The following SLC2A8 variants were observed in gnomAD, a reference collection of about 807,000 sequenced individuals.
The protein encoded by SLC2A8 is solute carrier family 2, facilitated glucose transporter member 8.
A neutral mutation model predicts 49.2 loss-of-function variants in SLC2A8; 53 were observed. That is an observed-to-expected ratio of 1.08 (90% CI 0.86 to 1.35). The LOEUF (loss-of-function observed/expected upper bound fraction) is 1.35. Ranked by LOEUF, SLC2A8 falls within the 40% of genes most tolerant of loss-of-function variation. The pLI is 0.00. For missense variants in SLC2A8, 688 were observed against 671.7 expected (o/e 1.02, Z -0.27); for synonymous variants, 299 against 297.0 (o/e 1.01, Z -0.07).
rs1015119418 is a variant in SLC2A8 at position 127,407,538 on chromosome 9, T to C, written c.*289T>C. On this transcript the variant is annotated 3_prime_UTR_variant, in exon 10 of 10. Coordinates refer to ENST00000373371, the MANE Select transcript of SLC2A8 (RefSeq NM_014580.5). ...AAAGCAGCGGAAGAGGAGGTGGGCC[T>C]CTAGGATCTTTGTCTTCTGGCTGGA... 5 of 518,058 alleles carry C rather than the reference T, an allele frequency of 9.7e-6. No homozygotes were observed. Among genetic ancestry groups the C allele is most frequent in the African/African-American group, 9.6e-5 (5 of 52,104 alleles). 32.1% of individuals were successfully genotyped at this position (518,058 alleles called of 1,614,324 possible).
intron 4 of SLC2A8, among the ~76,000 whole-genome samples, chr9:127,401,579 G>A (rs1239058554): frequency 6.6e-6 from 1 of 152,186 alleles, no homozygotes; most frequent in African/African-American, 2.4e-5. Flanking sequence ...CAGGTACTGG[G>A]TGTCCACCCA....
At position 127,399,865 on chromosome 9, in the gene SLC2A8, G is replaced by A. The variant is rs747195562; in HGVS notation, c.427-42G>A. 3 of 1,562,658 alleles carry A rather than the reference G, an allele frequency of 1.9e-6. No individual in the cohort carries two copies. Among genetic ancestry groups the A allele is most frequent in the Non-Finnish European group, 2.6e-6 (3 of 1,135,428 alleles). On this transcript the variant is annotated intron_variant, in intron 3 of 9. Transcript: ENST00000373371. The surrounding 1 kb of genome is among the most constrained non-coding windows in gnomAD (Gnocchi z 4.2). ...CAGAGTGCTGGGATTGCAGGCATGA[G>A]CCACTGCGCCCAGCCATAAATCCTC... is the stretch of plus-strand genomic sequence containing the variant.
intron 9 of SLC2A8, chr9:127,405,986 G>T: frequency 1.9e-6 from 1 of 525,040 alleles, no homozygotes; most frequent in Non-Finnish European, 3.8e-6. Context: ...GAGAGTAACA[G>T]CAGCTTGCTC....
intron 1 of SLC2A8, 30 bp downstream of exon 1, chr9:127,397,316 C>T (rs1216000816): frequency 6.5e-6 from 9 of 1,378,160 alleles, no homozygotes; most frequent in Admixed American, 7.9e-5. Flanking sequence ...GGCCCGGATG[C>T]GGCCTCGCCC....
chr9:127,402,966 AC>A (rs1464703150), intron 5 of SLC2A8, among the ~76,000 whole-genome samples: 6 of 152,280 alleles, frequency 3.9e-5, no homozygotes, highest in Admixed American at 3.9e-4. Flanking sequence ...CTCCAAAGTC[AC>A]CAGCAAAGCC....
intron 7 of SLC2A8, chr9:127,404,494 G>A (rs1027017789): frequency 5.4e-6 from 2 of 371,060 alleles, no homozygotes; most frequent in South Asian, 4.5e-5. Flanking sequence ...CCTTCAGCAA[G>A]AGCTGCGGCC....
intron 7 of SLC2A8, chr9:127,404,615 C>T (rs1352252667): frequency 1.9e-5 from 11 of 585,146 alleles, no homozygotes; most frequent in Non-Finnish European, 3.0e-5. Flanking sequence ...AGAGGGTCTG[C>T]TCCGGGAACT....
intron 5 of SLC2A8, 64 bp from the exon 6 acceptor site, chr9:127,403,596 C>T: frequency 1.2e-6 from 2 of 1,603,416 alleles, no homozygotes; most frequent in Non-Finnish European, 1.7e-6. Context: ...CAGTAGACCC[C>T]CAGAGGGGGG....
At position 127,397,239 on chromosome 9, in the gene SLC2A8, C is replaced by T; in HGVS notation, c.9C>T (p.Pro3=). MT[P]EDPEETQPLL... ...CGGCGTTGGCCGCCGACATGACGCC[C>T]GAGGACCCAGAGGAAACCCAGCCGC... The change falls in exon 1 of 10, where the codon CCC becomes CCT. Residue 3 remains proline (P), a synonymous_variant. Coordinates refer to ENST00000373371, the MANE Select transcript of SLC2A8 (RefSeq NM_014580.5). The T allele has an allele frequency of 1.4e-6, 2 of 1,455,228 alleles. No homozygotes were observed. Among genetic ancestry groups the T allele is most frequent in the Non-Finnish European group, 9.0e-7 (1 of 1,112,078 alleles). 90.1% of individuals were successfully genotyped at this position (1,455,228 alleles called of 1,614,324 possible).
chr9:127,405,025 G>A (rs377510755), intron 8 of SLC2A8, 34 bp downstream of exon 8: 9 of 1,577,268 alleles, frequency 5.7e-6, no homozygotes, highest in African/African-American at 1.3e-5. Context: ...GGCGAGGAGT[G>A]GGAGGTGATC....
chr9:127,398,190 G>C, intron 3 of SLC2A8, 79 bp downstream of exon 3: 1 of 1,461,648 alleles, frequency 6.8e-7, no homozygotes, highest in South Asian at 1.2e-5. Flanking sequence ...CCCCAGGCCT[G>C]GGGGCGCGGC....
intron 7 of SLC2A8, chr9:127,404,550 G>A: frequency 2.1e-6 from 1 of 475,216 alleles, no homozygotes; most frequent in East Asian, 3.6e-5. Context: ...CGACCGTCGG[G>A]GCTGAGGGTT....
Position 127,404,081 on chromosome 9 carries a change from C to G in SLC2A8, c.976+14C>G. The G allele has an allele frequency of 6.5e-7, 1 of 1,540,646 alleles. No individual in the cohort carries two copies. The highest frequency in any genetic ancestry group is 1.7e-4 in the Middle Eastern group (1 of 5,918). ...TGGTCTTGTCAGGTGAGGGTTCACC[C>G]CTGTGCAGCCTCCCCGCCATGCGGG... On this transcript the variant is annotated intron_variant, in intron 7 of 9. Transcript: ENST00000373371.
At chr9:127,405,384 AC>A (rs1314681283) in intron 8 of SLC2A8, 35 bp from the exon 9 acceptor site, 2 of 1,606,608 alleles carry the variant, frequency 1.2e-6, no homozygotes, top group Non-Finnish European at 1.7e-6. Flanking sequence ...AGCCCTGCGG[AC>A]CCTGATGCCT....
In SLC2A8 at chr9:127,398,856, G is replaced by A. The variant is rs1362766873; in HGVS notation, c.426+745G>A. ...CTGACAGCTTGGTGACCCATGAACT[G>A]CCCCCAGCCATGGGCTTGGACAATA... On this transcript the variant is annotated intron_variant, in intron 3 of 9. Transcript: ENST00000373371. Among the ~76,000 whole-genome samples, 7 of 152,288 alleles carry A rather than the reference G, an allele frequency of 4.6e-5. No individual in the cohort carries two copies. The South Asian group carries it at 1.2e-3, about 27-fold the overall frequency.
chr9:127,403,190 A>C (rs1392065464), intron 5 of SLC2A8: 3 of 210,068 alleles, frequency 1.4e-5, no homozygotes, highest in Non-Finnish European at 2.8e-5. Context: ...GGGAGTCAGC[A>C]CCTGCTTCAC....
rs768063001 is a variant in SLC2A8 at position 127,405,436 on chromosome 9, G to C, written c.1167G>C (p.Trp389Cys). ...CTCCCACAGGCTTTGCGGTGGGCTG[G>C]GGGCCCATCCCCTGGCTCCTCATGT... ...CLFIAGFAVG[W>C]GPIPWLLMSE... The change falls in exon 9 of 10, where the codon TGG becomes TGC. Residue 389 changes from tryptophan (W) to cysteine (C), a missense_variant. By Grantham distance (215) the Trp-to-Cys change is radical (BLOSUM62 -2). Transcript: ENST00000373371. 1 of 1,612,698 alleles carries C rather than the reference G, an allele frequency of 6.2e-7. No homozygotes were observed. The highest frequency in any genetic ancestry group is 2.2e-5 in the East Asian group (1 of 44,876).
chr9:127,401,203 G>T (rs1440264766), intron 4 of SLC2A8, among the ~76,000 whole-genome samples: 2 of 152,210 alleles, frequency 1.3e-5, no homozygotes, highest in African/African-American at 4.8e-5. Flanking sequence ...ACCTCTGAAA[G>T]CCTCAGTTTC....
intron 4 of SLC2A8, 134 bp downstream of exon 4, chr9:127,400,140 T>G: frequency 3.3e-6 from 2 of 608,670 alleles, no homozygotes; most frequent in Non-Finnish European, 2.8e-6. Context: ...CAGGCTCGCC[T>G]TCCTGGGACC....
Sources: allele counts gnomAD v4.1 joint callset (sites outside exome capture counted in the v4.1 genomes callset), GRCh38; gene constraint gnomAD v4.1.1; non-coding constraint Gnocchi (gnomAD v3.1); transcripts MANE v1.5; gene names NCBI Gene and HGNC (gene_info 2026-07-23, HGNC 2026-07-21).